Variants in CCDC191 observed in about 807,000 individuals in gnomAD.
The protein encoded by CCDC191 is coiled-coil domain-containing protein 191.
CCDC191 carries 99 observed loss-of-function variants against 114.0 expected under a neutral mutation model. The ratio of observed to expected loss-of-function variants is 0.87; its 90% CI spans 0.74 to 1.03. The LOEUF (loss-of-function observed/expected upper bound fraction) is 1.03, where lower values mean the gene tolerates loss of function less well. Among genes scored for constraint, CCDC191 ranks in the 50% least tolerant of loss-of-function variants. The pLI is 0.00. For missense variants in CCDC191, 973 were observed against 1,087.0 expected (o/e 0.90, Z 1.47); for synonymous variants, 351 against 376.0 (o/e 0.93, Z 0.77).
chr3:113,984,368 G>C (rs751755210), intron 13 of CCDC191: 20 of 152,118 alleles, frequency 1.3e-4, no homozygotes, highest in Non-Finnish European at 2.2e-4. Context: ...AAATGATTCA[G>C]AGAAGTCTCA....
intron 13 of CCDC191, among the ~76,000 whole-genome samples, chr3:113,991,588 T>C (rs755506988): frequency 8.5e-5 from 13 of 152,322 alleles, no homozygotes; most frequent in Non-Finnish European, 1.5e-4. Flanking sequence ...TACTGAATGC[T>C]TTCCCTCTAG....
Position 114,005,839 on chromosome 3 carries a change from T to C in CCDC191, c.1537A>G (p.Ser513Gly), listed in dbSNP as rs1340038680. The change falls in exon 10 of 17, where the codon AGT (serine) becomes GGT (glycine). Residue 513 changes from serine (S) to glycine (G), a missense_variant. Ser to Gly is a moderately conservative substitution (Grantham distance 56). Transcript: ENST00000295878. Reference protein sequence around the residue: ...LQGSLQNVSLSAPGNKQHKTL... With the variant: ...LQGSLQNVSLGAPGNKQHKTL... Reference sequence around the variant, plus strand: ...TTGTGCTGCTTATTGCCAGGTGCACTCAGAGAGACATTCTGAAGGGAACCC... The same window carrying C: ...TTGTGCTGCTTATTGCCAGGTGCACCCAGAGAGACATTCTGAAGGGAACCC... 2.5e-6 allele frequency: 4 copies of C among 1,613,924 alleles called. No individual in the cohort carries two copies. Among genetic ancestry groups the C allele is most frequent in the Non-Finnish European group, 3.4e-6 (4 of 1,180,006 alleles).
chr3:114,013,178 G>A (rs2076100653), intron 8 of CCDC191, among the ~76,000 whole-genome samples: 1 of 151,860 alleles, frequency 6.6e-6, no homozygotes, highest in Non-Finnish European at 1.5e-5. Flanking sequence ...CCTGGGAAGT[G>A]GAAATTGCAG....
rs557428685 is a variant in CCDC191 at position 114,006,793 on chromosome 3, C to T, written c.1414-831G>A. Among the ~76,000 whole-genome samples, 28 of 151,924 alleles carry T rather than the reference C, an allele frequency of 1.8e-4. No homozygotes were observed. In the South Asian group the frequency reaches 5.8e-3, roughly 32 times the overall value. On this transcript the variant is annotated intron_variant, in intron 9 of 16. Transcript: ENST00000295878. ...ATATCTCTTTTCTTTCAATGCCTCT[C>T]CTGACACTAGTAAATTAATCATATG... is the stretch of plus-strand genomic sequence containing the variant.
At chr3:114,051,938 G>C (rs2076703348) in intron 2 of CCDC191, among the ~76,000 whole-genome samples, 1 of 152,234 alleles carries the variant, frequency 6.6e-6, no homozygotes, top group South Asian at 2.1e-4. Flanking sequence ...TGGTAACTAT[G>C]TCAATGTAAC....
intron 5 of CCDC191, 49 bp from the exon 6 acceptor site, chr3:114,035,197 G>T: frequency 7.3e-7 from 1 of 1,377,772 alleles, no homozygotes; most frequent in Non-Finnish European, 1.0e-6. Context: ...AAGTAGAAAG[G>T]GATATGAAAA....
At chr3:114,016,631 TA>T (rs2107693420) in intron 8 of CCDC191, among the ~76,000 whole-genome samples, 1 of 152,294 alleles carries the variant, frequency 6.6e-6, no homozygotes, top group South Asian at 2.1e-4. Context: ...CACCTGAAAA[TA>T]ATTCACAGAT....
intron 13 of CCDC191, among the ~76,000 whole-genome samples, chr3:113,991,827 A>C (rs978284423): frequency 1.3e-5 from 2 of 152,364 alleles, no homozygotes; most frequent in Admixed American, 1.3e-4. Flanking sequence ...TGCAGGATAC[A>C]ACACCAACAT....
At position 114,035,040 on chromosome 3, in the gene CCDC191, T is replaced by C. The variant is rs1183084919; in HGVS notation, c.703A>G (p.Lys235Glu). ...LEAQCLVQEE[K>E]KRKALEAKKE... is the part of the protein sequence containing the mutation. ...TTGGCCTCCAGAGCCTTCCTTTTCT[T>C]CTCTTCTTGCACCAGACACTGAGCC... is the stretch of plus-strand genomic sequence containing the variant. Residue 235 changes from lysine to glutamate, a missense_variant, in exon 6 of 17, where the codon AAG becomes GAG. Coordinates refer to ENST00000295878, the MANE Select transcript of CCDC191 (RefSeq NM_020817.2). 6.8e-6 allele frequency: 11 copies of C among 1,613,972 alleles called. No individual in the cohort carries two copies. In the Admixed American group the frequency reaches 1.8e-4, roughly 27 times the overall value.
chr3:114,022,512 GT>G (rs1352448305), intron 7 of CCDC191, among the ~76,000 whole-genome samples: 1 of 152,136 alleles, frequency 6.6e-6, no homozygotes, highest in Non-Finnish European at 1.5e-5. Context: ...ATGTCAACAA[GT>G]TTACAATTTA....
At chr3:114,037,354 T>C (rs989498466) in intron 4 of CCDC191, among the ~76,000 whole-genome samples, 1 of 152,150 alleles carries the variant, frequency 6.6e-6, no homozygotes, top group Admixed American at 6.6e-5. Flanking sequence ...CCACTATATA[T>C]TAGTTTTCAT....
chr3:114,038,301 A>T (rs2076514003), intron 4 of CCDC191, among the ~76,000 whole-genome samples: 1 of 152,216 alleles, frequency 6.6e-6, no homozygotes, highest in East Asian at 1.9e-4. Flanking sequence ...AAATAACAAC[A>T]TTTCCATCAA....
chr3:113,973,969 CCTTTTCTTTTTT>C (rs762351647), intron 16 of CCDC191, among the ~76,000 whole-genome samples: 11 of 150,248 alleles, frequency 7.3e-5, no homozygotes, highest in Non-Finnish European at 1.2e-4. Context: ...TGTCTTCATT[CCTTTTCTTTTTT>C]CTTTTCTCTT....
chr3:113,971,696 T>C (rs1168069890), intron 16 of CCDC191, among the ~76,000 whole-genome samples: 2 of 152,200 alleles, frequency 1.3e-5, no homozygotes, highest in African/African-American at 4.8e-5. Context: ...ATAGAATAAG[T>C]ATGGAAGTAT....
At position 113,983,464 on chromosome 3, in the gene CCDC191, C is replaced by T. The variant is rs183129466; in HGVS notation, c.2164-2671G>A. ...ATTTGGATGTCCAATAGGTATCTCA[C>T]ATTTAACATGCCCCCGCCAACTAGA... On this transcript the variant is annotated intron_variant, in intron 13 of 16. Coordinates refer to ENST00000295878, the MANE Select transcript of CCDC191 (RefSeq NM_020817.2). 2.8e-3 allele frequency among the ~76,000 whole-genome samples: 430 copies of T among 152,304 alleles called. 3 individuals carry two copies. Among genetic ancestry groups the T allele is most frequent in the Non-Finnish European group, 3.8e-3 (261 of 68,028 alleles).
chr3:114,033,021 T>A (rs765647902), intron 6 of CCDC191, among the ~76,000 whole-genome samples: 8 of 151,904 alleles, frequency 5.3e-5, no homozygotes, highest in Non-Finnish European at 8.8e-5. Context: ...AGAATATATA[T>A]CTATTTTAAA....
intron 13 of CCDC191, among the ~76,000 whole-genome samples, chr3:113,982,185 A>G (rs1407917044): frequency 6.6e-6 from 1 of 152,198 alleles, no homozygotes; most frequent in Non-Finnish European, 1.5e-5. Context: ...ATCAGCTCCA[A>G]AAGGAAAATT....
chr3:114,046,733 C>T lies in CCDC191; in HGVS notation c.130-1G>A. On this transcript the variant is annotated splice_acceptor_variant, in intron 2 of 16. Transcript: ENST00000295878. LOFTEE classifies it high-confidence loss of function. ...CAAACTCTGAGGCTTTCTCCACTCT[C>T]TTCAATATAACAGAAAAAAAAATCC... 1.3e-6 allele frequency: 2 copies of T among 1,594,038 alleles called. No individual in the cohort carries two copies.
rs533470938 is a variant in CCDC191, at chr3:114,031,649, G to A, written c.949C>T (p.Gln317Ter). 1 of 1,610,052 alleles carries A rather than the reference G, an allele frequency of 6.2e-7. No homozygotes were observed. The highest frequency in any genetic ancestry group is 1.3e-5 in the African/African-American group (1 of 74,942). ...ACCTGTTGATTTTCTTTGAAAGTTT[G>A]GATTAATACTTCTTTCAATTTCCTT... is the stretch of plus-strand genomic sequence containing the variant. ...RKRKLKEVLI[Q>*]TFKENQQCQK... Residue 317 changes from glutamine to a stop codon, truncating the protein, a stop_gained, in exon 7 of 17, where the codon CAA becomes TAA. Coordinates refer to ENST00000295878, the MANE Select transcript of CCDC191 (RefSeq NM_020817.2). LOFTEE classifies it high-confidence loss of function.
Sources: allele counts gnomAD v4.1 joint callset (sites outside exome capture counted in the v4.1 genomes callset), GRCh38; gene constraint gnomAD v4.1.1; transcripts MANE v1.5; gene names NCBI Gene and HGNC (gene_info 2026-07-23, HGNC 2026-07-21).